Variants in IFT74 observed in about 807,000 individuals in gnomAD.
IFT74 encodes the protein intraflagellar transport 74.
In IFT74, 92 loss-of-function variants were observed where a neutral mutation model predicts 96.7. That is an observed-to-expected ratio of 0.95 (90% CI 0.80 to 1.13). The LOEUF is 1.13. Ranked by LOEUF, IFT74 falls within the 50% of genes most tolerant of loss-of-function variation. IFT74 has a pLI of 0.00. For missense variants in IFT74, 811 were observed against 698.2 expected (o/e 1.16, Z -1.82); for synonymous variants, 223 against 213.2 (o/e 1.05, Z -0.40).
chr9:27,056,370 A>G lies in IFT74; in HGVS notation c.1534A>G (p.Arg512Gly). The G allele has an allele frequency of 6.3e-7, 1 of 1,594,584 alleles. No individual in the cohort carries two copies. The highest frequency in any genetic ancestry group is 8.6e-7 in the Non-Finnish European group (1 of 1,166,468). ...HQERMILSTH[R>G]NAFKKIMEKQ... ...GGAGAGAATGATATTATCAACCCAC[A>G]GAAATGCCTTTAAGAAAATAATGGA... The change falls in exon 18 of 20, where the codon AGA becomes GGA. Residue 512 changes from arginine (R) to glycine (G), a missense_variant. Arg to Gly is a moderately radical substitution (Grantham distance 125). Transcript: ENST00000380062.
intron 8 of IFT74, among the ~76,000 whole-genome samples, chr9:27,000,956 C>T (rs372396354): frequency 2.4e-4 from 37 of 152,236 alleles, no homozygotes; most frequent in African/African-American, 7.9e-4. Flanking sequence ...GCATTCCTCC[C>T]TCCCTACCAC....
upstream of IFT74, among the ~76,000 whole-genome samples, chr9:26,951,612 A>C (rs754370216): frequency 7.2e-5 from 11 of 152,208 alleles, no homozygotes; most frequent in Non-Finnish European, 1.5e-4. Context: ...AAAATGTGAA[A>C]TATGGGCTGG....
chr9:26,975,700 C>T (rs961486805), intron 2 of IFT74, among the ~76,000 whole-genome samples: 7 of 152,160 alleles, frequency 4.6e-5, no homozygotes, highest in Non-Finnish European at 1.0e-4. Flanking sequence ...TCTCGCCCTC[C>T]GTCCTTTCAG....
rs149121748 is a variant in IFT74, at chr9:27,046,443, A to G, written c.1109-831A>G. Among the ~76,000 whole-genome samples, 957 of 152,278 alleles carry G rather than the reference A, an allele frequency of 6.3e-3. 12 individuals carry two copies. Among genetic ancestry groups the G allele is most frequent in the African/African-American group, 0.022 (904 of 41,572 alleles). On this transcript the variant is annotated intron_variant, in intron 14 of 19. Transcript: ENST00000380062. ...AAATTATTTTTGACTGAAAGTTTCT[A>G]TTTTTTAGATGCTCCATAGAAATAC...
chr9:27,027,001 CA>C lies in IFT74; in HGVS notation c.975-2018del, dbSNP rs554186351. On this transcript the variant is annotated intron_variant, in intron 12 of 19. Coordinates refer to ENST00000380062, the MANE Select transcript of IFT74 (RefSeq NM_025103.4). ...AGAGCAGAACTAAATTAAATTGAAA[CA>C]AAAAATTGAAAGATAAATGAAGCAA... 2.6e-5 allele frequency among the ~76,000 whole-genome samples: 4 copies of C among 151,566 alleles called. No homozygotes were observed. In the East Asian group the frequency reaches 7.7e-4, roughly 29 times the overall value.
intron 8 of IFT74, among the ~76,000 whole-genome samples, chr9:27,008,168 A>G (rs989400197): frequency 3.9e-5 from 6 of 152,222 alleles, no homozygotes; most frequent in Non-Finnish European, 8.8e-5. Flanking sequence ...AGTAAAAGAG[A>G]ACTTAAGCAA....
rs369658347 is a variant in IFT74, at chr9:27,044,733, C to T, written c.1055-9C>T. On this transcript the variant is annotated splice_polypyrimidine_tract_variant and intron_variant, in intron 13 of 19. Coordinates refer to ENST00000380062, the MANE Select transcript of IFT74 (RefSeq NM_025103.4). ...TTGAAATTCATGTTGTATTTTATAT[C>T]TCTCATAGGTGAAATGAACCAGAAA... is the stretch of plus-strand genomic sequence containing the variant. 2.2e-5 allele frequency: 34 copies of T among 1,532,578 alleles called. No homozygotes were observed. The African/African-American group carries it at 2.5e-4, about 11-fold the overall frequency. The allele number at this position is 1,532,578 out of a possible 1,614,324, so 94.9% of individuals were successfully genotyped here.
chr9:26,948,448 A>ATTATT lies in IFT74; in HGVS notation c.-20+1304_-20+1305insATTTT, dbSNP rs1825819541. On this transcript the variant is annotated intron_variant, in intron 1 of 19. Coordinates refer to the IFT74 transcript ENST00000433700. ...TGACAACCTGTGATGGCTTTCCATTATTTTTTTTTTTTTTTTTTTTTTTTT... is the reference window on the plus strand; with the variant it reads ...TGACAACCTGTGATGGCTTTCCATTATTATTTTTTTTTTTTTTTTTTTTTTTTTTT... Among the ~76,000 whole-genome samples, 4 of 59,166 alleles carry ATTATT rather than the reference A, an allele frequency of 6.8e-5. 1 individual carries two copies. The highest frequency in any genetic ancestry group is 7.7e-5 in the Non-Finnish European group (2 of 26,084). The allele number at this position is 59,166 out of a possible 152,430, so 38.8% of individuals were successfully genotyped here.
At chr9:26,998,399 T>A (rs1233524485) in intron 8 of IFT74, among the ~76,000 whole-genome samples, 1 of 152,174 alleles carries the variant, frequency 6.6e-6, no homozygotes, top group Non-Finnish European at 1.5e-5. Flanking sequence ...AATCTTTTTC[T>A]TTATTGGGAT....
At chr9:26,985,078 G>A (rs1827578316) in intron 6 of IFT74, among the ~76,000 whole-genome samples, 1 of 152,130 alleles carries the variant, frequency 6.6e-6, no homozygotes, top group African/African-American at 2.4e-5. Flanking sequence ...GTGGCAGATT[G>A]GTTAAAGAAA....
chr9:26,966,118 C>T (rs971896098), intron 2 of IFT74, among the ~76,000 whole-genome samples: 3 of 151,108 alleles, frequency 2.0e-5, no homozygotes, highest in Non-Finnish European at 3.0e-5. Context: ...TTCATATATT[C>T]GCTATTGTGG....
At position 26,958,895 on chromosome 9, in the gene IFT74, T is replaced by A. The variant is rs372464380; in HGVS notation, c.-20+2379T>A. ...AGAAAATGCTCTATATAAGGACAGA[T>A]CAAGGAGACAGAAAAAAGAACCAGA... On this transcript the variant is annotated intron_variant, in intron 1 of 19. Transcript: ENST00000380062. Among the ~76,000 whole-genome samples, 13 of 152,024 alleles carry A rather than the reference T, an allele frequency of 8.6e-5. No homozygotes were observed. In the East Asian group the frequency reaches 1.7e-3, roughly 20 times the overall value.
chr9:26,981,709 C>T (rs977854350), intron 4 of IFT74, among the ~76,000 whole-genome samples: 7 of 151,972 alleles, frequency 4.6e-5, no homozygotes, highest in Admixed American at 2.0e-4. Context: ...CATGAGCCAC[C>T]GCGCCCAACC....
At chr9:27,001,374 A>T (rs1442730553) in intron 8 of IFT74, among the ~76,000 whole-genome samples, 1 of 151,850 alleles carries the variant, frequency 6.6e-6, no homozygotes, top group Non-Finnish European at 1.5e-5. Flanking sequence ...TAGTTTTTTA[A>T]GGAACCTTCA....
chr9:27,053,844 C>T (rs1820039737), intron 16 of IFT74, among the ~76,000 whole-genome samples: 1 of 152,170 alleles, frequency 6.6e-6, no homozygotes, highest in East Asian at 1.9e-4. Context: ...GTTCCTATTT[C>T]GAGCATTAAA....
chr9:27,018,940 A>G (rs1040988007), intron 12 of IFT74, among the ~76,000 whole-genome samples: 2 of 152,138 alleles, frequency 1.3e-5, no homozygotes, highest in Non-Finnish European at 2.9e-5. Context: ...GTGTGCAGCC[A>G]TCACCTAGAT....
At position 27,033,327 on chromosome 9, in the gene IFT74, G is replaced by C. The variant is rs552783921; in HGVS notation, c.1054+4223G>C. Among the ~76,000 whole-genome samples the C allele has an allele frequency of 5.9e-5, 9 of 152,118 alleles. No homozygotes were observed. The East Asian group carries it at 1.4e-3, about 23-fold the overall frequency. On this transcript the variant is annotated intron_variant, in intron 13 of 19. Transcript: ENST00000380062. ...AATCCTAGCACTTTGGGAGGCTGAG[G>C]GGGGTGGATTGCTTGAGCTCAGAAG...
At chr9:27,002,738 G>T (rs946730238) in intron 8 of IFT74, among the ~76,000 whole-genome samples, 3 of 152,058 alleles carry the variant, frequency 2.0e-5, no homozygotes, top group Admixed American at 2.0e-4. Flanking sequence ...CTCCAGCTTT[G>T]TTCCTTTTTG....
chr9:27,027,054 A>G (rs118036163), intron 12 of IFT74, among the ~76,000 whole-genome samples: 2 of 152,180 alleles, frequency 1.3e-5, no homozygotes, highest in Non-Finnish European at 1.5e-5. Context: ...AAAGATAAAC[A>G]AAATTGATAG....
Sources: allele counts gnomAD v4.1 joint callset (sites outside exome capture counted in the v4.1 genomes callset), GRCh38; gene constraint gnomAD v4.1.1; transcripts MANE v1.5; gene names NCBI Gene and HGNC (gene_info 2026-07-23, HGNC 2026-07-21).